Variants in DOCK5 observed in about 807,000 individuals in gnomAD.
The protein encoded by DOCK5 is dedicator of cytokinesis 5.
A neutral mutation model predicts 251.8 loss-of-function variants in DOCK5; 142 were observed. The ratio of observed to expected loss-of-function variants is 0.56; its 90% confidence interval spans 0.49 to 0.65. The LOEUF is 0.65. Ranked by LOEUF, DOCK5 falls within the 30% of genes least tolerant of loss-of-function variation. The pLI is 0.00. For synonymous variants in DOCK5, 842 were observed against 835.5 expected (o/e 1.01, Z -0.13); for missense variants, 2,111 against 2,312.3 (o/e 0.91, Z 1.79).
chr8:25,227,116 C>G (rs563397200), intron 1 of DOCK5, among the ~76,000 whole-genome samples: 1 of 152,066 alleles, frequency 6.6e-6, no homozygotes, highest in South Asian at 2.1e-4. Context: ...TGACTTCTGC[C>G]GAATTTCAAA....
At chr8:25,341,262 CA>C (rs1263985827) in intron 23 of DOCK5, among the ~76,000 whole-genome samples, 2 of 152,190 alleles carry the variant, frequency 1.3e-5, no homozygotes, top group Non-Finnish European at 2.9e-5. Context: ...CCCATGATTT[CA>C]GCAAACTGAT....
chr8:25,317,003 G>A lies in DOCK5; in HGVS notation c.1319-4G>A. Reference sequence around the variant, plus strand: ...ACACTCACAGCATGCTTATCATGTTGCAGGAGATGTTCGGAATGACATTTA... The same window carrying A: ...ACACTCACAGCATGCTTATCATGTTACAGGAGATGTTCGGAATGACATTTA... On this transcript the variant is annotated splice_polypyrimidine_tract_variant and splice_region_variant and intron_variant, in intron 13 of 51. Transcript: ENST00000276440. 1 of 1,613,716 alleles carries A rather than the reference G, an allele frequency of 6.2e-7. No homozygotes were observed. Among genetic ancestry groups the A allele is most frequent in the Non-Finnish European group, 8.5e-7 (1 of 1,179,714 alleles).
intron 13 of DOCK5, among the ~76,000 whole-genome samples, chr8:25,313,610 C>T (rs540562569): frequency 8.5e-5 from 13 of 152,216 alleles, no homozygotes; most frequent in Admixed American, 1.3e-4. Context: ...GACTGGGTGG[C>T]GTCAACAACG....
intron 18 of DOCK5, among the ~76,000 whole-genome samples, chr8:25,332,002 G>C (rs1051685351): frequency 6.6e-6 from 1 of 152,102 alleles, no homozygotes; most frequent in Non-Finnish European, 1.5e-5. Flanking sequence ...TTTGAGAAAT[G>C]TTAGTTTCAG....
At chr8:25,315,505 T>C (rs1266291841) in intron 13 of DOCK5, among the ~76,000 whole-genome samples, 1 of 152,234 alleles carries the variant, frequency 6.6e-6, no homozygotes, top group African/African-American at 2.4e-5. Flanking sequence ...AGCACACGCC[T>C]GCTGCAGAGT....
In DOCK5 at chr8:25,203,633, G is replaced by T. The variant is rs371234647; in HGVS notation, c.43+18682G>T. Among the ~76,000 whole-genome samples the T allele has an allele frequency of 3.3e-5, 5 of 152,238 alleles. No individual in the cohort carries two copies. The East Asian group carries it at 9.6e-4, about 29-fold the overall frequency. ...TATCACTCTCCTCTGGTGACATTTC[G>T]ATTCTGATACAATGTGGTGGCATGG... On this transcript the variant is annotated intron_variant, in intron 1 of 51. Coordinates refer to ENST00000276440, the MANE Select transcript of DOCK5 (RefSeq NM_024940.8).
chr8:25,275,259 C>G (rs777149967), intron 3 of DOCK5, 127 bp from the exon 4 acceptor site: 2 of 665,348 alleles, frequency 3.0e-6, no homozygotes, highest in African/African-American at 1.9e-5. Context: ...GTCCTGCCAA[C>G]CTGATCTCAG....
chr8:25,233,959 A>T (rs944120472), intron 1 of DOCK5, among the ~76,000 whole-genome samples: 2 of 152,158 alleles, frequency 1.3e-5, no homozygotes, highest in Admixed American at 6.5e-5. Context: ...GTGATTCTGG[A>T]GTATATAAAT....
Position 25,325,454 on chromosome 8 carries a change from A to G in DOCK5, c.1810A>G (p.Lys604Glu), listed in dbSNP as rs940026910. The stretch of plus-strand genomic sequence containing the variant: ...GGAAGAAAAAGAGCTTCAAGCATCC[A>G]AAAACCTGGTCACCTTCACCCCAAG... Reference protein sequence around the residue: ...EMEEKELQASKNLVTFTPSKD... With the variant: ...EMEEKELQASENLVTFTPSKD... The change falls in exon 18 of 52, where the codon AAA (lysine) becomes GAA (glutamate). Residue 604 changes from lysine (K) to glutamate (E), a missense_variant. Lys to Glu is a moderately conservative substitution (Grantham distance 56). Coordinates refer to ENST00000276440, the MANE Select transcript of DOCK5 (RefSeq NM_024940.8). 24 of 1,612,234 alleles carry G rather than the reference A, an allele frequency of 1.5e-5. No individual in the cohort carries two copies. The highest frequency in any genetic ancestry group is 2.0e-5 in the Non-Finnish European group (24 of 1,178,408).
In DOCK5 at chr8:25,377,371, G is replaced by A. The variant is rs1284349947; in HGVS notation, c.3883G>A (p.Glu1295Lys). 8 of 1,613,814 alleles carry A rather than the reference G, an allele frequency of 5.0e-6. No individual in the cohort carries two copies. The highest frequency in any genetic ancestry group is 6.8e-6 in the Non-Finnish European group (8 of 1,179,770). The stretch of plus-strand genomic sequence containing the variant: ...CAGTTACTATGTTTATACCCAGCAA[G>A]AGCTTAAAGAGAAGCTGTATCAAGA... ...KDSYYVYTQQ[E>K]LKEKLYQEII... Residue 1295 changes from glutamate to lysine, a missense_variant, in exon 38 of 52, where the codon GAG becomes AAG. Glu to Lys is a moderately conservative substitution (Grantham distance 56). Around this residue, in one of 3 missense-constraint regions of DOCK5, gnomAD observed 1,717 missense variants for 1,892.4 expected, o/e 0.91. Coordinates refer to ENST00000276440, the MANE Select transcript of DOCK5 (RefSeq NM_024940.8).
intron 13 of DOCK5, among the ~76,000 whole-genome samples, chr8:25,312,741 G>A (rs2941605): frequency 0.89 from 130,567 of 146,118 alleles, 58,404 homozygotes; most frequent in Middle Eastern, 0.97. Context: ...CCAGCATGGC[G>A]ACAGAACAAG....
chr8:25,312,765 A>T (rs1377724346), intron 13 of DOCK5, among the ~76,000 whole-genome samples: 2 of 150,980 alleles, frequency 1.3e-5, no homozygotes, highest in African/African-American at 4.9e-5. Flanking sequence ...CCGTCTCAAA[A>T]AAAAAAAAAA....
chr8:25,273,137 AG>A (rs1160906338), intron 3 of DOCK5, among the ~76,000 whole-genome samples: 1 of 152,240 alleles, frequency 6.6e-6, no homozygotes, highest in East Asian at 1.9e-4. Flanking sequence ...TAGGCCTCCT[AG>A]GGACAGGCCT....
At chr8:25,331,096 G>A (rs1446734315) in intron 18 of DOCK5, among the ~76,000 whole-genome samples, 1 of 151,914 alleles carries the variant, frequency 6.6e-6, no homozygotes, top group African/African-American at 2.4e-5. Context: ...GTGACAGAGC[G>A]ACCTTGTCTC....
chr8:25,348,705 G>A (rs970680944), intron 26 of DOCK5, among the ~76,000 whole-genome samples: 3 of 152,030 alleles, frequency 2.0e-5, no homozygotes, highest in African/African-American at 4.8e-5. Context: ...GGGCGTGGTG[G>A]TGCGCACCTG....
chr8:25,296,462 A>G, intron 6 of DOCK5, 51 bp from the exon 7 acceptor site: 2 of 1,576,520 alleles, frequency 1.3e-6, no homozygotes, highest in African/African-American at 1.3e-5. Context: ...CTCCTCAGTA[A>G]AAAGTCTGCC....
intron 48 of DOCK5, 73 bp from the exon 49 acceptor site, chr8:25,407,910 G>T: frequency 7.0e-7 from 1 of 1,422,648 alleles, no homozygotes; most frequent in East Asian, 2.4e-5. Flanking sequence ...CATAACTGCT[G>T]GTACTTTCAT....
In DOCK5 at chr8:25,205,614, A is replaced by T. The variant is rs79045720; in HGVS notation, c.43+20663A>T. On this transcript the variant is annotated intron_variant, in intron 1 of 51. Transcript: ENST00000276440. ...TTTGAATCTAGTGAAAGTAATTCACATGCACATCAGATACATGCCTTTAGC... is the reference window on the plus strand; with the variant it reads ...TTTGAATCTAGTGAAAGTAATTCACTTGCACATCAGATACATGCCTTTAGC... Among the ~76,000 whole-genome samples, 1,073 of 152,328 alleles carry T rather than the reference A, an allele frequency of 7.0e-3. 15 individuals carry two copies. The highest frequency in any genetic ancestry group is 0.024 in the African/African-American group (1,005 of 41,578).
chr8:25,305,578 CTG>C (rs1298317222), intron 11 of DOCK5, among the ~76,000 whole-genome samples: 1 of 152,042 alleles, frequency 6.6e-6, no homozygotes, highest in Admixed American at 6.6e-5. Context: ...AGTCTTTGCA[CTG>C]TGTTTGAGAA....
Sources: allele counts gnomAD v4.1 joint callset (sites outside exome capture counted in the v4.1 genomes callset), GRCh38; gene constraint gnomAD v4.1.1; regional missense constraint gnomAD v4.1.1; transcripts MANE v1.5; gene names NCBI Gene and HGNC (gene_info 2026-07-23, HGNC 2026-07-21).